WWC2: variants seen among roughly 807,000 people sequenced by gnomAD.
WWC2 encodes the protein WW and C2 domain containing 2, also known as protein WWC2.
Under a neutral mutation model 138.5 loss-of-function variants are expected in WWC2, and 101 were observed. That is an observed-to-expected ratio of 0.73 (90% CI 0.62 to 0.86). WWC2 has a LOEUF of 0.86. WWC2 is among the 40% of genes least tolerant of loss of function. WWC2 has a pLI of 0.00. For missense variants in WWC2, 1,420 were observed against 1,419.4 expected (o/e 1.00, Z -0.01); for synonymous variants, 558 against 538.4 (o/e 1.04, Z -0.50).
chr4:183,246,752 A>G (rs1435939280), intron 6 of WWC2, among the ~76,000 whole-genome samples: 1 of 152,228 alleles, frequency 6.6e-6, no homozygotes, highest in East Asian at 1.9e-4. Flanking sequence ...AGTCTGGGTT[A>G]ACGTGGTTTT....
At chr4:183,205,046 A>C (rs907746246) in intron 2 of WWC2, among the ~76,000 whole-genome samples, 3 of 152,216 alleles carry the variant, frequency 2.0e-5, no homozygotes, top group Non-Finnish European at 4.4e-5. Context: ...GCTAATGAGC[A>C]TTTGTTTAGA....
At chr4:183,262,709 T>C (rs886893327) in intron 11 of WWC2, among the ~76,000 whole-genome samples, 6 of 152,194 alleles carry the variant, frequency 3.9e-5, no homozygotes, top group African/African-American at 7.2e-5. Context: ...GTGTACATAA[T>C]GGCCCCAACA....
At chr4:183,154,504 C>T (rs951237035) in intron 1 of WWC2, among the ~76,000 whole-genome samples, 1 of 152,150 alleles carries the variant, frequency 6.6e-6, no homozygotes, top group Non-Finnish European at 1.5e-5. Context: ...TCAGGCACAA[C>T]CTTGTGATTT....
At chr4:183,244,828 G>T (rs1736721308) in intron 5 of WWC2, among the ~76,000 whole-genome samples, 1 of 152,058 alleles carries the variant, frequency 6.6e-6, no homozygotes, top group Admixed American at 6.6e-5. Context: ...TGAAGATCAG[G>T]ATCAGCACTT....
At chr4:183,190,590 T>C (rs183773898) in intron 1 of WWC2, among the ~76,000 whole-genome samples, 74 of 152,242 alleles carry the variant, frequency 4.9e-4, no homozygotes, top group African/African-American at 1.7e-3. Context: ...AGAAAGTATA[T>C]ATATTTATCC....
chr4:183,289,362 G>C, intron 20 of WWC2, 31 bp from the exon 21 acceptor site: 1 of 1,600,530 alleles, frequency 6.2e-7, no homozygotes, highest in Non-Finnish European at 8.5e-7. Context: ...GTATAACCAG[G>C]GTGTTCGTCA....
At position 183,299,929 on chromosome 4, in the gene WWC2, T is replaced by C. The variant is rs371994820; in HGVS notation, c.3384+10294T>C. On this transcript the variant is annotated intron_variant, in intron 21 of 22. Coordinates refer to ENST00000403733, the MANE Select transcript of WWC2 (RefSeq NM_024949.6). ...ATCTGCCTCCCTTGTCAAGGAAAACTGTCAGGTCTCAGGGTCACACTCCTT... is the reference window on the plus strand; with the variant it reads ...ATCTGCCTCCCTTGTCAAGGAAAACCGTCAGGTCTCAGGGTCACACTCCTT... Among the ~76,000 whole-genome samples, 13 of 152,122 alleles carry C rather than the reference T, an allele frequency of 8.5e-5. No homozygotes were observed. In the East Asian group the frequency reaches 1.3e-3, roughly 16 times the overall value.
intron 1 of WWC2, among the ~76,000 whole-genome samples, chr4:183,111,311 A>C (rs573508008): frequency 1.3e-5 from 2 of 152,174 alleles, no homozygotes; most frequent in Non-Finnish European, 2.9e-5. Flanking sequence ...ACAGTTGTGC[A>C]TTTTATAATT....
At chr4:183,215,631 T>G (rs151196194) in intron 4 of WWC2, among the ~76,000 whole-genome samples, 87 of 152,318 alleles carry the variant, frequency 5.7e-4, no homozygotes, top group African/African-American at 1.9e-3. Context: ...TTTATTGATT[T>G]TATAATGTTT....
chr4:183,220,998 T>C (rs982843807), intron 4 of WWC2, among the ~76,000 whole-genome samples: 5 of 152,040 alleles, frequency 3.3e-5, no homozygotes, highest in African/African-American at 2.4e-5. Flanking sequence ...GCCTAAATGC[T>C]CCAATTAAAA....
chr4:183,310,693 G>A lies in WWC2; in HGVS notation c.3385-1648G>A, dbSNP rs115143050. On this transcript the variant is annotated intron_variant, in intron 21 of 22. Coordinates refer to ENST00000403733, the MANE Select transcript of WWC2 (RefSeq NM_024949.6). ...TTTTTTTTTTTTTTTTTCATAGAGA[G>A]AGTGTCTCTCTATGTTGTCCAGGCT... 7.1e-3 allele frequency among the ~76,000 whole-genome samples: 1,017 copies of A among 143,958 alleles called. 12 individuals carry two copies. Among genetic ancestry groups the A allele is most frequent in the African/African-American group, 0.025 (959 of 38,938 alleles). 94.4% of individuals were successfully genotyped at this position (143,958 alleles called of 152,430 possible).
At chr4:183,189,242 C>T (rs1337296987) in intron 1 of WWC2, among the ~76,000 whole-genome samples, 1 of 151,524 alleles carries the variant, frequency 6.6e-6, no homozygotes, top group Admixed American at 6.6e-5. Flanking sequence ...TGAGACCAGT[C>T]AGGCCAACAT....
chr4:183,171,274 T>C (rs913012417), intron 1 of WWC2, among the ~76,000 whole-genome samples: 5 of 152,212 alleles, frequency 3.3e-5, no homozygotes, highest in Admixed American at 1.3e-4. Context: ...TAGAATACTT[T>C]TCATATATAT....
At chr4:183,185,361 T>A (rs190752550) in intron 1 of WWC2, among the ~76,000 whole-genome samples, 1 of 152,166 alleles carries the variant, frequency 6.6e-6, no homozygotes, top group Non-Finnish European at 1.5e-5. Context: ...ATATGAACAA[T>A]TAACTTGGAA....
chr4:183,144,333 T>C (rs1415309488), intron 1 of WWC2, among the ~76,000 whole-genome samples: 1 of 152,208 alleles, frequency 6.6e-6, no homozygotes, highest in Non-Finnish European at 1.5e-5. Flanking sequence ...GATTATAGTT[T>C]GGTGAAATGT....
rs757887657 is a variant in WWC2, at chr4:183,269,210, T to A, written c.2400+47T>A. 7 of 1,558,686 alleles carry A rather than the reference T, an allele frequency of 4.5e-6. No individual in the cohort carries two copies. In the African/African-American group the frequency reaches 9.5e-5, roughly 21 times the overall value. ...ATTACCAAATAGCACTTAGATTGGG[T>A]GGTCTGAGGATATACTTTGTAGTTG... is the stretch of plus-strand genomic sequence containing the variant. On this transcript the variant is annotated intron_variant, in intron 15 of 22. Coordinates refer to ENST00000403733, the MANE Select transcript of WWC2 (RefSeq NM_024949.6).
In WWC2 at chr4:183,248,877, G is replaced by A. The variant is rs1467597663; in HGVS notation, c.879+17G>A. On this transcript the variant is annotated intron_variant, in intron 7 of 22. Transcript: ENST00000403733. ...TCCGGAGATGTAAGTTATCTGTGCT[G>A]AAGAGTTGGCCCAGTGTTGTCCTTG... The A allele has an allele frequency of 1.9e-6, 3 of 1,566,536 alleles. No individual in the cohort carries two copies. The highest frequency in any genetic ancestry group is 1.3e-5 in the African/African-American group (1 of 74,462).
At chr4:183,310,049 G>C (rs1390452161) in intron 21 of WWC2, among the ~76,000 whole-genome samples, 2 of 152,222 alleles carry the variant, frequency 1.3e-5, no homozygotes, top group East Asian at 1.9e-4. Context: ...TCAGTGGTTA[G>C]GGGGAAGAGA....
Position 183,265,002 on chromosome 4 carries a change from G to A in WWC2, c.1934G>A (p.Arg645Lys), listed in dbSNP as rs1456757428. The A allele has an allele frequency of 5.6e-6, 9 of 1,612,874 alleles. No homozygotes were observed. Among genetic ancestry groups the A allele is most frequent in the Non-Finnish European group, 7.6e-6 (9 of 1,179,270 alleles). ...TADVEKSLPK[R>K]RVIHLLGEKT... The stretch of plus-strand genomic sequence containing the variant: ...GATGTGGAAAAATCATTACCAAAAA[G>A]AAGAGTGATCCACTTGCTTGGGGAG... The change falls in exon 12 of 23, where the codon AGA becomes AAA. Residue 645 changes from arginine (R) to lysine (K), a missense_variant. Arg to Lys is a conservative substitution (Grantham distance 26). Transcript: ENST00000403733.
Sources: gnomAD v4.1 joint callset for allele counts (sites outside exome capture counted in the v4.1 genomes callset) on GRCh38, gnomAD v4.1.1 for gene constraint, MANE v1.5 for transcripts, NCBI Gene and HGNC (gene_info 2026-07-23, HGNC 2026-07-21) for gene names.